C8orf34: variants seen among roughly 807,000 people sequenced by gnomAD.
C8orf34 encodes chromosome 8 open reading frame 34.
In C8orf34, 65 loss-of-function variants were observed where a neutral mutation model predicts 68.3. The observed-to-expected ratio is 0.95, with a 90% CI of 0.78 to 1.17. The LOEUF is 1.17. Ranked by LOEUF, C8orf34 falls within the 50% of genes most tolerant of loss-of-function variation. The pLI, the probability that C8orf34 is intolerant of heterozygous loss-of-function variation, is 0.00. For synonymous variants in C8orf34, 244 were observed against 241.2 expected (o/e 1.01, Z -0.11); for missense variants, 664 against 655.4 (o/e 1.01, Z -0.14).
At chr8:68,503,684 T>C (rs1055191312) in intron 5 of C8orf34, among the ~76,000 whole-genome samples, 1 of 150,230 alleles carries the variant, frequency 6.7e-6, no homozygotes, top group African/African-American at 2.5e-5. Context: ...TCTTTTCTTT[T>C]TCTTTTTTTT....
intron 6 of C8orf34, among the ~76,000 whole-genome samples, chr8:68,527,136 G>A (rs1287735108): frequency 6.6e-6 from 1 of 152,120 alleles, no homozygotes; most frequent in Non-Finnish European, 1.5e-5. Flanking sequence ...CTTGATGTGG[G>A]ATATTATGGC....
At chr8:68,352,045 T>C (rs1806533580) in intron 1 of C8orf34, among the ~76,000 whole-genome samples, 1 of 152,104 alleles carries the variant, frequency 6.6e-6, no homozygotes, top group Non-Finnish European at 1.5e-5. Flanking sequence ...AATCAGACTT[T>C]TTTTTTACTG....
At chr8:68,677,910 C>CA (rs1241313564) in intron 8 of C8orf34, among the ~76,000 whole-genome samples, 1 of 152,000 alleles carries the variant, frequency 6.6e-6, no homozygotes, top group African/African-American at 2.4e-5. Flanking sequence ...ACATTACAAC[C>CA]AATATTGCAG....
intron 1 of C8orf34, among the ~76,000 whole-genome samples, chr8:68,430,419 T>C (rs961693288): frequency 3.9e-5 from 6 of 152,098 alleles, no homozygotes. Flanking sequence ...TTCTAGCAAA[T>C]TGTCAAACCT....
At chr8:68,420,616 A>C (rs1350476517) in intron 1 of C8orf34, among the ~76,000 whole-genome samples, 1 of 152,314 alleles carries the variant, frequency 6.6e-6, no homozygotes, top group Admixed American at 6.5e-5. Context: ...TTAAACAAGG[A>C]CAGTCTAGGG....
At chr8:68,707,895 T>C (rs1821216556) in intron 8 of C8orf34, among the ~76,000 whole-genome samples, 1 of 152,180 alleles carries the variant, frequency 6.6e-6, no homozygotes, top group South Asian at 2.1e-4. Flanking sequence ...CAAAGAGAGC[T>C]CAAAACAGAA....
intron 3 of C8orf34, among the ~76,000 whole-genome samples, chr8:68,464,760 A>C (rs1358926388): frequency 0.018 from 2,794 of 151,688 alleles, 124 homozygotes; most frequent in African/African-American, 0.063. Context: ...GAGAAAGCTG[A>C]AACTGGATCC....
In C8orf34 at chr8:68,818,624, A is replaced by G. The variant is rs1411550467; in HGVS notation, c.*378A>G. 1 of 170,012 alleles carries G rather than the reference A, an allele frequency of 5.9e-6. No homozygotes were observed. Among genetic ancestry groups the G allele is most frequent in the Non-Finnish European group, 1.3e-5 (1 of 79,996 alleles). The allele number at this position is 170,012 out of a possible 1,614,324, so 10.5% of individuals were successfully genotyped here. A position where few individuals can be genotyped will look rare whatever the true frequency, so the allele number is the denominator to read the frequency against. On this transcript the variant is annotated 3_prime_UTR_variant, in exon 14 of 14. Coordinates refer to ENST00000518698, the MANE Select transcript of C8orf34 (RefSeq NM_052958.4). ...GGTTTTCTACTTCTTCTATTTTTAT[A>G]ATATTTTCTCATTTTTTAGATTACT...
chr8:68,477,244 G>T (rs1430898746), intron 4 of C8orf34, among the ~76,000 whole-genome samples: 1 of 152,204 alleles, frequency 6.6e-6, no homozygotes, highest in Admixed American at 6.5e-5. Context: ...AGGAATCAGG[G>T]GTAGGGACTT....
chr8:68,469,600 A>C (rs1236365372), intron 4 of C8orf34, among the ~76,000 whole-genome samples: 6 of 152,066 alleles, frequency 3.9e-5, no homozygotes, highest in Non-Finnish European at 8.8e-5. Context: ...TAGTGAGTTA[A>C]AAGTATTCCT....
intron 7 of C8orf34, among the ~76,000 whole-genome samples, chr8:68,536,448 T>C (rs1189738297): frequency 1.3e-5 from 2 of 151,350 alleles, no homozygotes; most frequent in African/African-American, 4.9e-5. Flanking sequence ...CAGAGAACAT[T>C]TGAGGAACTT....
At chr8:68,671,187 C>T (rs1417640772) in intron 8 of C8orf34, among the ~76,000 whole-genome samples, 1 of 152,098 alleles carries the variant, frequency 6.6e-6, no homozygotes, top group Non-Finnish European at 1.5e-5. Flanking sequence ...AGGGACTAAT[C>T]CAGCATTTTT....
At chr8:68,776,376 C>T (rs746664967) in intron 10 of C8orf34, 23 bp from the exon 11 acceptor site, 5 of 1,598,872 alleles carry the variant, frequency 3.1e-6, no homozygotes, top group South Asian at 1.1e-5. Flanking sequence ...ACCTTTTCAA[C>T]CTCTCTTCCT....
chr8:68,520,754 C>T (rs528735088), intron 5 of C8orf34, among the ~76,000 whole-genome samples: 3 of 152,224 alleles, frequency 2.0e-5, no homozygotes, highest in African/African-American at 2.4e-5. Flanking sequence ...TGAGCCACCG[C>T]GCCCAGCCCA....
intron 7 of C8orf34, chr8:68,533,743 T>G: frequency 3.2e-6 from 3 of 946,694 alleles, no homozygotes; most frequent in South Asian, 4.9e-5. Flanking sequence ...AGTATATGTA[T>G]GTTTTTGCTT....
At chr8:68,467,270 T>C (rs1362567340) in intron 3 of C8orf34, among the ~76,000 whole-genome samples, 6 of 152,112 alleles carry the variant, frequency 3.9e-5, no homozygotes, top group African/African-American at 1.4e-4. Flanking sequence ...ATATTGTTCA[T>C]GGTTGAGCCA....
chr8:68,633,992 A>G (rs994606653), intron 7 of C8orf34, among the ~76,000 whole-genome samples: 5 of 152,158 alleles, frequency 3.3e-5, no homozygotes, highest in Non-Finnish European at 7.3e-5. Context: ...TACTTAATAC[A>G]GTTTTACATG....
chr8:68,446,297 G>A, intron 2 of C8orf34, 32 bp from the exon 3 acceptor site: 3 of 1,544,320 alleles, frequency 1.9e-6, no homozygotes, highest in Non-Finnish European at 2.6e-6. Context: ...AAATCACTTT[G>A]TTGCCATTTT....
chr8:68,494,713 G>A (rs986520207), intron 5 of C8orf34, among the ~76,000 whole-genome samples: 5 of 151,716 alleles, frequency 3.3e-5, no homozygotes, highest in African/African-American at 4.8e-5. Flanking sequence ...AAAATGAGTC[G>A]GGCATGGTGG....
Sources: gnomAD v4.1 joint callset for allele counts (sites outside exome capture counted in the v4.1 genomes callset) on GRCh38, gnomAD v4.1.1 for gene constraint, MANE v1.5 for transcripts, NCBI Gene and HGNC (gene_info 2026-07-23, HGNC 2026-07-21) for gene names.